OPN4: variants seen among roughly 807,000 people sequenced by gnomAD.
OPN4 encodes melanopsin.
OPN4 carries 43 observed loss-of-function variants against 49.5 expected under a neutral mutation model. The ratio of observed to expected loss-of-function variants is 0.87; its 90% CI spans 0.68 to 1.12. The LOEUF (loss-of-function observed/expected upper bound fraction) is 1.12. OPN4 is among the 50% of genes most tolerant of loss of function. The pLI, the probability that OPN4 is intolerant of heterozygous loss-of-function variation, is 0.00. For missense variants in OPN4, 657 were observed against 643.9 expected, an observed-to-expected ratio of 1.02 and a Z score of -0.22; for synonymous variants, 263 against 258.0, an observed-to-expected ratio of 1.02 and a Z score of -0.19.
At chr10:86,665,626 C>T (rs1465996511) in intron 9 of OPN4, 87 bp from the exon 10 acceptor site, 7 of 1,138,564 alleles carry the variant, frequency 6.1e-6, no homozygotes, top group Non-Finnish European at 7.9e-6. Flanking sequence ...CCCCACTGCT[C>T]GGTGACCCAG....
At chr10:86,659,798 G>T in intron 5 of OPN4, 97 bp from the exon 6 acceptor site, 3 of 1,321,558 alleles carry the variant, frequency 2.3e-6, no homozygotes, top group Non-Finnish European at 3.2e-6. Context: ...CGAGTGCCCT[G>T]CAAGGATAGT....
At chr10:86,659,055 G>A (rs147824801) in intron 4 of OPN4, among the ~76,000 whole-genome samples, 58 of 152,324 alleles carry the variant, frequency 3.8e-4, no homozygotes, top group African/African-American at 1.3e-3. Flanking sequence ...GCCTCTGGCT[G>A]AAGCCCTGGC....
Position 86,654,646 on chromosome 10 carries a change from A to G in OPN4, c.-138A>G. 8.0e-7 allele frequency: 1 copy of G among 1,255,722 alleles called. No homozygotes were observed. The highest frequency in any genetic ancestry group is 1.1e-6 in the Non-Finnish European group (1 of 904,470). 77.8% of individuals were successfully genotyped at this position (1,255,722 alleles called of 1,614,324 possible). A position where few individuals can be genotyped will look rare whatever the true frequency, so the allele number is the denominator to read the frequency against. ...GCTCCAGGCTGGATCTGCGCCGGAC[A>G]CAGGAGAAAGCAGCGGGTAGGCTAA... On this transcript the variant is annotated 5_prime_UTR_variant, in exon 1 of 10. Coordinates refer to ENST00000241891, the MANE Select transcript of OPN4 (RefSeq NM_033282.4).
chr10:86,657,310 AGC>A, intron 2 of OPN4: 4 of 752,200 alleles, frequency 5.3e-6, no homozygotes, highest in Non-Finnish European at 1.0e-5. Context: ...CATGAGTGGG[AGC>A]ATCTTGTCTG....
rs771455092 is a variant in OPN4 at position 86,659,995 on chromosome 10, G to T, written c.901G>T (p.Val301Phe). ...ECKMAKIMLL[V>F]ILLFVLSWAP... The stretch of plus-strand genomic sequence containing the variant: ...CAAGATGGCCAAGATCATGCTGCTG[G>T]TCATCCTCCTCTTCGTGCTCTCCTG... Residue 301 changes from valine (V) to phenylalanine (F), a missense_variant, in exon 6 of 10, where the codon GTC becomes TTC. Coordinates refer to ENST00000241891, the MANE Select transcript of OPN4 (RefSeq NM_033282.4). The T allele has an allele frequency of 2.5e-6, 4 of 1,614,218 alleles. No individual in the cohort carries two copies. The highest frequency in any genetic ancestry group is 1.7e-5 in the Admixed American group (1 of 60,034).
At chr10:86,662,514 C>A in intron 8 of OPN4, 82 bp downstream of exon 8, 1 of 1,349,384 alleles carries the variant, frequency 7.4e-7, no homozygotes, top group Non-Finnish European at 1.0e-6. Flanking sequence ...ATACATAGGC[C>A]CTGGCAGGGC....
chr10:86,665,933 C>A lies in OPN4; in HGVS notation c.*182C>A, dbSNP rs1844163535. ...CTCTCCACACCTCAAAACTCCTGCC[C>A]CATAACGTCCTCCGCATCCACTTTC... On this transcript the variant is annotated 3_prime_UTR_variant, in exon 10 of 10. Transcript: ENST00000241891. 3.4e-6 allele frequency: 2 copies of A among 586,042 alleles called. No individual in the cohort carries two copies. 36.3% of individuals were successfully genotyped at this position (586,042 alleles called of 1,614,324 possible).
chr10:86,662,095 C>T (rs939762750), intron 7 of OPN4, among the ~76,000 whole-genome samples, 157 bp from the exon 8 acceptor site: 5 of 152,116 alleles, frequency 3.3e-5, no homozygotes. Context: ...TCTTTCTGTC[C>T]TCATCACCTG....
rs992530973 is a variant in OPN4, at chr10:86,666,068, C to T, written c.*317C>T. On this transcript the variant is annotated 3_prime_UTR_variant, in exon 10 of 10. Transcript: ENST00000241891. ...ATGCTGTGTGCTGCAATTGTCCAGGCGATGACAATGGTGATGGCTCCAGAG... is the reference window on the plus strand; with the variant it reads ...ATGCTGTGTGCTGCAATTGTCCAGGTGATGACAATGGTGATGGCTCCAGAG... 8 of 395,072 alleles carry T rather than the reference C, an allele frequency of 2.0e-5. No homozygotes were observed. Among genetic ancestry groups the T allele is most frequent in the African/African-American group, 1.2e-4 (6 of 48,800 alleles). The allele number at this position is 395,072 out of a possible 1,614,324, so 24.5% of individuals were successfully genotyped here.
intron 9 of OPN4, chr10:86,664,112 G>A (rs1338711815): frequency 7.0e-6 from 2 of 286,176 alleles, no homozygotes; most frequent in South Asian, 8.7e-5. Flanking sequence ...GTTGATGAGG[G>A]TAGGAGGTCT....
rs764205109 is a variant in OPN4 at position 86,665,972 on chromosome 10, G to A, written c.*221G>A. 6.2e-5 allele frequency: 35 copies of A among 563,748 alleles called. No individual in the cohort carries two copies. Among genetic ancestry groups the A allele is most frequent in the Non-Finnish European group, 8.5e-5 (27 of 318,634 alleles). The allele number at this position is 563,748 out of a possible 1,614,324, so 34.9% of individuals were successfully genotyped here. A position where few individuals can be genotyped will look rare whatever the true frequency, so the allele number is the denominator to read the frequency against. ...GCATCCACTTTCCAGCTCAGCAGCCGCACCCGAGGCTCAGCCTGAGGGGTA... is the reference window on the plus strand; with the variant it reads ...GCATCCACTTTCCAGCTCAGCAGCCACACCCGAGGCTCAGCCTGAGGGGTA... On this transcript the variant is annotated 3_prime_UTR_variant, in exon 10 of 10. Coordinates refer to ENST00000241891, the MANE Select transcript of OPN4 (RefSeq NM_033282.4).
intron 1 of OPN4, among the ~76,000 whole-genome samples, chr10:86,655,211 C>T (rs1243857322): frequency 6.6e-6 from 1 of 152,218 alleles, no homozygotes; most frequent in Admixed American, 6.5e-5. Context: ...TGCACTCATT[C>T]CTTTCAGAGG....
rs2675698 is a variant in OPN4, at chr10:86,662,240, C to A, written c.1074-12C>A. 1.9e-6 allele frequency: 3 copies of A among 1,604,658 alleles called. No individual in the cohort carries two copies. The highest frequency in any genetic ancestry group is 2.5e-6 in the Non-Finnish European group (3 of 1,177,158). On this transcript the variant is annotated splice_polypyrimidine_tract_variant and intron_variant, in intron 7 of 9. Coordinates refer to ENST00000241891, the MANE Select transcript of OPN4 (RefSeq NM_033282.4). Reference sequence around the variant, plus strand: ...CATCCCCTGGCCCTAATCAGATGTGCGGCCCCTGCAGGGTGGCCATTGCCC... The same window carrying A: ...CATCCCCTGGCCCTAATCAGATGTGAGGCCCCTGCAGGGTGGCCATTGCCC...
At chr10:86,663,059 G>A (rs931819561) in intron 8 of OPN4, among the ~76,000 whole-genome samples, 3 of 152,216 alleles carry the variant, frequency 2.0e-5, no homozygotes, top group African/African-American at 7.2e-5. Context: ...TCGGGGCCAG[G>A]TGTGCCCAGG....
intron 5 of OPN4, 148 bp downstream of exon 5, chr10:86,659,616 T>A (rs1843955484): frequency 1.7e-6 from 2 of 1,186,490 alleles, no homozygotes. Context: ...GGGGCAGCAG[T>A]GTCTAGGGGA....
rs1456976333 is a variant in OPN4, at chr10:86,662,406, G to A, written c.1228G>A (p.Glu410Lys). Reference protein sequence around the residue: ...LSWISIRRRQESLGSESEVGW... With the variant: ...LSWISIRRRQKSLGSESEVGW... ...CTGGATCTCCATACGGAGGCGCCAG[G>A]AGTCCCTGGGCTCGGAGAGTGAGGT... Residue 410 changes from glutamate (E) to lysine (K), a missense_variant, in exon 8 of 10, where the codon GAG (glutamate) becomes AAG (lysine). By Grantham distance (56) the Glu-to-Lys change is moderately conservative (BLOSUM62 1). Coordinates refer to ENST00000241891, the MANE Select transcript of OPN4 (RefSeq NM_033282.4). 3.9e-6 allele frequency: 6 copies of A among 1,557,522 alleles called. No individual in the cohort carries two copies. Among genetic ancestry groups the A allele is most frequent in the Non-Finnish European group, 5.2e-6 (6 of 1,152,212 alleles).
At chr10:86,660,969 A>G (rs1843989261) in intron 6 of OPN4, among the ~76,000 whole-genome samples, 1 of 152,224 alleles carries the variant, frequency 6.6e-6, no homozygotes, top group South Asian at 2.1e-4. Flanking sequence ...TCTACTAAAA[A>G]TACAAAAATT....
rs34199257 is a variant in OPN4, at chr10:86,659,649, G to T, written c.800+181G>T. 5.7e-3 allele frequency among the ~76,000 whole-genome samples: 864 copies of T among 152,368 alleles called. 8 individuals carry two copies. Among genetic ancestry groups the T allele is most frequent in the African/African-American group, 0.02 (838 of 41,588 alleles). On this transcript the variant is annotated intron_variant, in intron 5 of 9. Transcript: ENST00000241891. Reference sequence around the variant, plus strand: ...GGAGCCTCAGGAGACAAGGGCTTCTGGGGCGGGCTTTTCGGCATGGCAGAG... The same window carrying T: ...GGAGCCTCAGGAGACAAGGGCTTCTTGGGCGGGCTTTTCGGCATGGCAGAG...
At position 86,656,224 on chromosome 10, in the gene OPN4, A is replaced by G. The variant is rs770727269; in HGVS notation, c.214A>G (p.Thr72Ala). ...TGATGTTCCAGACCATGCCCACTAT[A>G]CCCTGGGCACAGTGATCTTGCTGGT... ...TVDVPDHAHY[T>A]LGTVILLVGL... Residue 72 changes from threonine to alanine, a missense_variant, in exon 2 of 10, where the codon ACC becomes GCC. Coordinates refer to ENST00000241891, the MANE Select transcript of OPN4 (RefSeq NM_033282.4). 2 of 1,613,954 alleles carry G rather than the reference A, an allele frequency of 1.2e-6. No homozygotes were observed. The highest frequency in any genetic ancestry group is 1.7e-6 in the Non-Finnish European group (2 of 1,179,948).
Sources: allele counts gnomAD v4.1 joint callset (sites outside exome capture counted in the v4.1 genomes callset), GRCh38; gene constraint gnomAD v4.1.1; transcripts MANE v1.5; gene names NCBI Gene and HGNC (gene_info 2026-07-23, HGNC 2026-07-21).